KCTD8: variants seen among roughly 807,000 people sequenced by gnomAD.
KCTD8 encodes the protein BTB/POZ domain-containing protein KCTD8.
In KCTD8, 27 loss-of-function variants were observed where a neutral mutation model predicts 31.5. The ratio of observed to expected loss-of-function variants is 0.86; its 90% CI spans 0.63 to 1.18. KCTD8 has a LOEUF of 1.18. KCTD8 is among the 50% of genes most tolerant of loss of function. KCTD8 has a pLI of 0.00. For missense variants in KCTD8, 658 were observed against 647.7 expected, an observed-to-expected ratio of 1.02 and a Z score of -0.17; for synonymous variants, 290 against 280.0, an observed-to-expected ratio of 1.04 and a Z score of -0.36.
At chr4:44,247,179 A>G (rs937606222) in intron 1 of KCTD8, among the ~76,000 whole-genome samples, 1 of 151,930 alleles carries the variant, frequency 6.6e-6, no homozygotes, top group African/African-American at 2.4e-5. Flanking sequence ...GCCTCTTCCA[A>G]TACTTCTGCC....
chr4:44,218,294 C>A (rs996282580), intron 1 of KCTD8, among the ~76,000 whole-genome samples: 1 of 151,366 alleles, frequency 6.6e-6, no homozygotes, highest in Non-Finnish European at 1.5e-5. Flanking sequence ...CCACCACACC[C>A]GGCTAATTTT....
At chr4:44,432,798 A>G (rs1184682005) in intron 1 of KCTD8, among the ~76,000 whole-genome samples, 1 of 151,676 alleles carries the variant, frequency 6.6e-6, no homozygotes, top group South Asian at 2.1e-4. Context: ...TTATCTCTAA[A>G]ATCACTAATA....
Position 44,293,996 on chromosome 4 carries a change from T to C in KCTD8, c.962-118746A>G, listed in dbSNP as rs147005784. Among the ~76,000 whole-genome samples the C allele has an allele frequency of 3.0e-3, 459 of 152,298 alleles. 1 individual carries two copies. The highest frequency in any genetic ancestry group is 0.01 in the African/African-American group (429 of 41,574). On this transcript the variant is annotated intron_variant, in intron 1 of 1. Transcript: ENST00000360029. ...CACTAATAATAAAAATGTAAATTAATGCAATGCATGCCATTTTGCTTAAAA... is the reference window on the plus strand; with the variant it reads ...CACTAATAATAAAAATGTAAATTAACGCAATGCATGCCATTTTGCTTAAAA...
At chr4:44,255,230 T>C (rs1715957270) in intron 1 of KCTD8, among the ~76,000 whole-genome samples, 1 of 151,892 alleles carries the variant, frequency 6.6e-6, no homozygotes, top group Non-Finnish European at 1.5e-5. Context: ...AAGCAGAATC[T>C]ATGCCTTTCT....
intron 1 of KCTD8, among the ~76,000 whole-genome samples, chr4:44,281,766 C>T (rs548131366): frequency 2.4e-4 from 36 of 152,100 alleles, no homozygotes; most frequent in Admixed American, 5.2e-4. Flanking sequence ...AATAGCATGG[C>T]ACTGGTATTA....
intron 1 of KCTD8, among the ~76,000 whole-genome samples, chr4:44,180,075 T>C (rs756620764): frequency 2.6e-5 from 4 of 152,184 alleles, no homozygotes; most frequent in Non-Finnish European, 5.9e-5. Flanking sequence ...GGGAACAACA[T>C]GACTATTAGA....
At chr4:44,237,399 A>G (rs1023252888) in intron 1 of KCTD8, among the ~76,000 whole-genome samples, 1 of 152,142 alleles carries the variant, frequency 6.6e-6, no homozygotes, top group Non-Finnish European at 1.5e-5. Context: ...CTTAGAACAG[A>G]CCATGACCCT....
At chr4:44,343,878 G>A (rs543658738) in intron 1 of KCTD8, among the ~76,000 whole-genome samples, 28 of 151,654 alleles carry the variant, frequency 1.8e-4, no homozygotes, top group African/African-American at 6.8e-4. Context: ...TTTTGTTTTT[G>A]AGACACAGTC....
At chr4:44,324,177 C>A (rs1675338869) in intron 1 of KCTD8, among the ~76,000 whole-genome samples, 1 of 151,696 alleles carries the variant, frequency 6.6e-6, no homozygotes, top group East Asian at 1.9e-4. Flanking sequence ...GCAGGATAGG[C>A]CAGCCTGGTA....
At chr4:44,391,794 T>G (rs1720381408) in intron 1 of KCTD8, among the ~76,000 whole-genome samples, 1 of 151,872 alleles carries the variant, frequency 6.6e-6, no homozygotes, top group African/African-American at 2.4e-5. Flanking sequence ...AAATGAACAT[T>G]CAGATTAATA....
chr4:44,175,050 T>C lies in KCTD8; in HGVS notation c.1162A>G (p.Thr388Ala). The change falls in exon 2 of 2, where the codon ACA (threonine) becomes GCA (alanine). Residue 388 changes from threonine (T) to alanine (A), a missense_variant. By Grantham distance (58) the Thr-to-Ala change is moderately conservative (BLOSUM62 0). Transcript: ENST00000360029. The stretch of plus-strand genomic sequence containing the variant: ...GCTTTTTTAGAGGGGCGATCCAATG[T>C]TAAAGTGTTAGGTTGGTGAGCTGTT... ...QATAHQPNTL[T>A]LDRPSKKAPV... 1 of 1,614,050 alleles carries C rather than the reference T, an allele frequency of 6.2e-7. No homozygotes were observed.
At chr4:44,212,985 T>TGG (rs1714535820) in intron 1 of KCTD8, among the ~76,000 whole-genome samples, 2 of 152,188 alleles carry the variant, frequency 1.3e-5, no homozygotes. Context: ...TCGCCCAGGC[T>TGG]GGAGTGCAGT....
intron 1 of KCTD8, among the ~76,000 whole-genome samples, chr4:44,265,742 G>C (rs1218072119): frequency 1.3e-5 from 2 of 152,206 alleles, no homozygotes; most frequent in Admixed American, 1.3e-4. Context: ...ACTACGTGAA[G>C]AATGCAGAAG....
chr4:44,397,944 T>A (rs13101521), intron 1 of KCTD8, among the ~76,000 whole-genome samples: 37,755 of 151,872 alleles, frequency 0.25, 5,007 homozygotes, highest in South Asian at 0.3. Flanking sequence ...TTACTTTTTT[T>A]AAAAAAACAA....
intron 1 of KCTD8, among the ~76,000 whole-genome samples, chr4:44,186,599 C>G (rs1404757599): frequency 6.6e-6 from 1 of 152,310 alleles, no homozygotes; most frequent in East Asian, 1.9e-4. Context: ...CACCCCTAGA[C>G]GCTGCTGTGG....
intron 1 of KCTD8, among the ~76,000 whole-genome samples, chr4:44,342,384 A>G (rs887340458): frequency 5.3e-4 from 80 of 151,986 alleles, no homozygotes; most frequent in Admixed American, 1.9e-3. Context: ...AAAAAAAAAA[A>G]AAAGAAAGGA....
chr4:44,264,626 T>C (rs1716282186), intron 1 of KCTD8, among the ~76,000 whole-genome samples: 1 of 152,188 alleles, frequency 6.6e-6, no homozygotes, highest in Admixed American at 6.5e-5. Flanking sequence ...GAGTTCCCTT[T>C]CCTGGTCAAG....
intron 1 of KCTD8, among the ~76,000 whole-genome samples, chr4:44,358,567 CT>C (rs113573085): frequency 0.1 from 15,031 of 147,544 alleles, 819 homozygotes; most frequent in African/African-American, 0.14. Flanking sequence ...TGTTTCCTGA[CT>C]TTTTTTTTTT....
At chr4:44,208,780 G>A (rs1714393351) in intron 1 of KCTD8, among the ~76,000 whole-genome samples, 1 of 152,114 alleles carries the variant, frequency 6.6e-6, no homozygotes, top group African/African-American at 2.4e-5. Flanking sequence ...GTAAAGCAAA[G>A]GCTGCATCAT....
Sources: gnomAD v4.1 joint callset for allele counts (sites outside exome capture counted in the v4.1 genomes callset) on GRCh38, gnomAD v4.1.1 for gene constraint, MANE v1.5 for transcripts, NCBI Gene and HGNC (gene_info 2026-07-23, HGNC 2026-07-21) for gene names.